The following CBL variants were observed in gnomAD, a reference collection of about 807,000 sequenced individuals.
CBL encodes E3 ubiquitin-protein ligase CBL.
Under a neutral mutation model 96.9 loss-of-function variants are expected in CBL, and 45 were observed. The ratio of observed to expected loss-of-function variants is 0.46; its 90% CI spans 0.37 to 0.60. The LOEUF (loss-of-function observed/expected upper bound fraction) is 0.60, where lower values mean the gene tolerates loss of function less well. Ranked by LOEUF, CBL falls within the 20% of genes least tolerant of loss-of-function variation. The probability of loss-of-function intolerance (pLI) is 0.00; values close to 1 mark genes in which losing one functional copy is unlikely to be tolerated. For synonymous variants in CBL, 420 were observed against 426.8 expected (o/e 0.98, Z 0.20); for missense variants, 1,024 against 1,143.5 (o/e 0.90, Z 1.51).
intron 2 of CBL, among the ~76,000 whole-genome samples, chr11:119,254,648 C>G (rs1457489350): frequency 2.6e-5 from 4 of 151,712 alleles, no homozygotes; most frequent in Non-Finnish European, 5.9e-5. Context: ...GTCGCCCAGG[C>G]TGGAATGCAG....
At chr11:119,299,412 C>A (rs1950084485) in intron 15 of CBL, 83 bp from the exon 16 acceptor site, 4 of 1,298,616 alleles carry the variant, frequency 3.1e-6, no homozygotes, top group Non-Finnish European at 3.3e-6. Flanking sequence ...TCAGTAATAT[C>A]TTGATATTAG....
intron 1 of CBL, among the ~76,000 whole-genome samples, chr11:119,212,313 AT>A (rs1330857793): frequency 6.6e-6 from 1 of 152,078 alleles, no homozygotes; most frequent in Non-Finnish European, 1.5e-5. Flanking sequence ...AAAAAATTAC[AT>A]TTTTTTGAAT....
At chr11:119,297,613 A>G (rs1396960842) in intron 14 of CBL, 132 bp downstream of exon 14, 1 of 717,994 alleles carries the variant, frequency 1.4e-6, no homozygotes, top group East Asian at 2.7e-5. Context: ...ACGTGCCACC[A>G]TGCCCGGCTA....
chr11:119,266,897 A>G (rs1288214795), intron 2 of CBL, among the ~76,000 whole-genome samples: 1 of 152,172 alleles, frequency 6.6e-6, no homozygotes, highest in African/African-American at 2.4e-5. Context: ...AAAAAGTTGA[A>G]CAGTTGTGTT....
At chr11:119,222,826 G>A (rs756643678) in intron 1 of CBL, among the ~76,000 whole-genome samples, 3 of 152,026 alleles carry the variant, frequency 2.0e-5, no homozygotes, top group Admixed American at 6.6e-5. Flanking sequence ...TTTAAAAGAG[G>A]TTATACATAA....
In CBL at chr11:119,242,297, C is replaced by G. The variant is rs1201605184; in HGVS notation, c.443+9602C>G. On this transcript the variant is annotated intron_variant, in intron 2 of 15. Coordinates refer to ENST00000264033, the MANE Select transcript of CBL (RefSeq NM_005188.4). ...GTGGCTCACGATTGTAATCCCAGCACTTTGGGAGGCCAAGGCGTTGGATCA... is the reference window on the plus strand; with the variant it reads ...GTGGCTCACGATTGTAATCCCAGCAGTTTGGGAGGCCAAGGCGTTGGATCA... Among the ~76,000 whole-genome samples, 5 of 152,094 alleles carry G rather than the reference C, an allele frequency of 3.3e-5. No homozygotes were observed. In the East Asian group the frequency reaches 9.6e-4, roughly 29 times the overall value.
intron 1 of CBL, among the ~76,000 whole-genome samples, chr11:119,223,276 C>G (rs1489737420): frequency 6.7e-6 from 1 of 149,296 alleles, no homozygotes; most frequent in Non-Finnish European, 1.5e-5. Flanking sequence ...AAGCCATCCT[C>G]CCGTCTCAGC....
chr11:119,282,152 G>A (rs1248171998), intron 9 of CBL, among the ~76,000 whole-genome samples: 2 of 149,646 alleles, frequency 1.3e-5, no homozygotes, highest in East Asian at 3.9e-4. Flanking sequence ...AGCCTGGCCA[G>A]TGTGGTGAAA....
At chr11:119,226,912 ATCTC>A (rs1949463883) in intron 1 of CBL, among the ~76,000 whole-genome samples, 1 of 152,102 alleles carries the variant, frequency 6.6e-6, no homozygotes, top group East Asian at 1.9e-4. Flanking sequence ...TGTTCCACAA[ATCTC>A]TCTCATTACC....
At chr11:119,279,707 T>A (rs185974557) in intron 9 of CBL, among the ~76,000 whole-genome samples, 5,654 of 152,200 alleles carry the variant, frequency 0.037, 130 homozygotes, top group South Asian at 0.068. Flanking sequence ...TGTAAAAAAA[T>A]TTTTTTAAGC....
chr11:119,276,174 CT>C (rs1949887896), intron 6 of CBL, 40 bp downstream of exon 6: 8 of 1,607,708 alleles, frequency 5.0e-6, no homozygotes, highest in Non-Finnish European at 6.8e-6. Context: ...AGTCTGGGAA[CT>C]TAGGGGCTGT....
chr11:119,211,372 C>G (rs911141970), intron 1 of CBL, among the ~76,000 whole-genome samples: 3 of 151,840 alleles, frequency 2.0e-5, no homozygotes, highest in Non-Finnish European at 4.4e-5. Flanking sequence ...AACTCTGTTT[C>G]AAAAACAACA....
At chr11:119,260,547 T>A (rs1411630670) in intron 2 of CBL, among the ~76,000 whole-genome samples, 1 of 152,190 alleles carries the variant, frequency 6.6e-6, no homozygotes, top group Non-Finnish European at 1.5e-5. Flanking sequence ...GAGAATTAGT[T>A]AAATAACAAA....
At position 119,220,052 on chromosome 11, in the gene CBL, G is replaced by A. The variant is rs181257793; in HGVS notation, c.196-12396G>A. Among the ~76,000 whole-genome samples the A allele has an allele frequency of 5.8e-3, 883 of 152,202 alleles. 8 individuals carry two copies. The highest frequency in any genetic ancestry group is 0.02 in the African/African-American group (827 of 41,560). The stretch of plus-strand genomic sequence containing the variant: ...TTTAGTAGAGGCGGGGTTTCACCAT[G>A]TTGGCCAGGCTGGTCTCGAACTCCT... On this transcript the variant is annotated intron_variant, in intron 1 of 15. Transcript: ENST00000264033.
At chr11:119,255,611 A>C (rs1378683318) in intron 2 of CBL, among the ~76,000 whole-genome samples, 1 of 152,084 alleles carries the variant, frequency 6.6e-6, no homozygotes, top group East Asian at 1.9e-4. Context: ...CTATATTGGT[A>C]AGTCAAGCTA....
intron 12 of CBL, among the ~76,000 whole-genome samples, chr11:119,294,175 T>C (rs895233897): frequency 3.3e-5 from 5 of 152,212 alleles, no homozygotes; most frequent in Admixed American, 2.6e-4. Context: ...ACGCCTGTAA[T>C]CCCAGCACTT....
intron 2 of CBL, among the ~76,000 whole-genome samples, chr11:119,258,366 A>G (rs1949727360): frequency 6.6e-6 from 1 of 152,214 alleles, no homozygotes. Context: ...GGAAACTGAC[A>G]GTCATGGTGG....
At chr11:119,291,250 A>G (rs1377409391) in intron 12 of CBL, among the ~76,000 whole-genome samples, 1 of 151,958 alleles carries the variant, frequency 6.6e-6, no homozygotes, top group Non-Finnish European at 1.5e-5. Flanking sequence ...ATATCAGCCA[A>G]CCATGGTGGC....
chr11:119,227,304 A>G (rs1949466365), intron 1 of CBL, among the ~76,000 whole-genome samples: 1 of 152,186 alleles, frequency 6.6e-6, no homozygotes, highest in Non-Finnish European at 1.5e-5. Flanking sequence ...GGCTAAGTAT[A>G]TTAAATATAC....
Sources: gnomAD v4.1 joint callset for allele counts (sites outside exome capture counted in the v4.1 genomes callset) on GRCh38, gnomAD v4.1.1 for gene constraint, MANE v1.5 for transcripts, NCBI Gene and HGNC (gene_info 2026-07-23, HGNC 2026-07-21) for gene names.